The following SMAD2 variants were observed in gnomAD, a reference collection of about 807,000 sequenced individuals.
SMAD2 encodes the protein MAD homolog 2.
Under a neutral mutation model 64.4 loss-of-function variants are expected in SMAD2, and 8 were observed. The observed-to-expected ratio is 0.12, with a 90% CI of 0.07 to 0.22. The LOEUF is 0.22. Among genes scored for constraint, SMAD2 ranks in the 10% least tolerant of loss-of-function variants. The pLI is 1.00. For synonymous variants in SMAD2, 203 were observed against 195.8 expected, an observed-to-expected ratio of 1.04 and a Z score of -0.31; for missense variants, 289 against 561.2, an observed-to-expected ratio of 0.51 and a Z score of 4.90.
At position 47,831,235 on chromosome 18, in the gene SMAD2, A is replaced by G. The variant is rs1912978111; in HGVS notation, c.*10592T>C. 6.6e-6 allele frequency: 1 copy of G among 152,262 alleles called. No individual in the cohort carries two copies. The highest frequency in any genetic ancestry group is 1.5e-5 in the Non-Finnish European group (1 of 68,056). The allele number at this position is 152,262 out of a possible 1,614,324, so 9.4% of individuals were successfully genotyped here. ...ATTTTCTGCTCACCATATAAGCAGTAGCTCAATAACACCGTCCAGTTTTCA... is the reference window on the plus strand; with the variant it reads ...ATTTTCTGCTCACCATATAAGCAGTGGCTCAATAACACCGTCCAGTTTTCA... On this transcript the variant is annotated 3_prime_UTR_variant, in exon 11 of 11. Coordinates refer to ENST00000262160, the MANE Select transcript of SMAD2 (RefSeq NM_005901.6).
chr18:47,900,603 T>C (rs1231526991), intron 1 of SMAD2, among the ~76,000 whole-genome samples: 1 of 152,188 alleles, frequency 6.6e-6, no homozygotes, highest in Non-Finnish European at 1.5e-5. Flanking sequence ...GTAAGATTAC[T>C]TTCTATTCAC....
chr18:47,845,304 CTG>C, intron 10 of SMAD2, 34 bp downstream of exon 10: 1 of 1,586,410 alleles, frequency 6.3e-7, no homozygotes, highest in Non-Finnish European at 8.7e-7. Flanking sequence ...CATAATTACA[CTG>C]TGGAAATTTA....
At position 47,858,343 on chromosome 18, in the gene SMAD2, A is replaced by G. The variant is rs374349045; in HGVS notation, c.730+6716T>C. Among the ~76,000 whole-genome samples the G allele has an allele frequency of 3.4e-4, 52 of 152,326 alleles. No individual in the cohort carries two copies. In the South Asian group the frequency reaches 0.011, roughly 32 times the overall value. On this transcript the variant is annotated intron_variant, in intron 6 of 10. Transcript: ENST00000262160. ...GACTCAAAGTCAGGGTCACATACAT[A>G]TTATCACTTGATTTTCAACAAAGGA...
At chr18:47,911,084 G>A (rs1382098971) in intron 1 of SMAD2, among the ~76,000 whole-genome samples, 1 of 151,928 alleles carries the variant, frequency 6.6e-6, no homozygotes, top group East Asian at 1.9e-4. Flanking sequence ...AGGCGTGGTG[G>A]CTCACGCCTG....
intron 2 of SMAD2, chr18:47,882,294 C>G (rs1263372459): frequency 4.6e-5 from 7 of 152,192 alleles, no homozygotes; most frequent in African/African-American, 7.3e-5. Flanking sequence ...CCCCTGGGCT[C>G]GAGTGATCCT....
intron 1 of SMAD2, among the ~76,000 whole-genome samples, chr18:47,917,199 TGTA>T (rs1285690319): frequency 1.3e-5 from 2 of 152,230 alleles, no homozygotes; most frequent in African/African-American, 4.8e-5. Flanking sequence ...TTCATAACCT[TGTA>T]GTTTTTTAAA....
rs769257130 is a variant in SMAD2 at position 47,848,705 on chromosome 18, A to T, written c.785-18T>A. 6.5e-7 allele frequency: 1 copy of T among 1,548,910 alleles called. No individual in the cohort carries two copies. The highest frequency in any genetic ancestry group is 8.9e-7 in the Non-Finnish European group (1 of 1,128,814). On this transcript the variant is annotated intron_variant, in intron 7 of 10. Transcript: ENST00000262160. ...CTGTAAATCTGAAAAAGAAAAAAAT[A>T]AAAAAATAATAAAAGGAAGAAATGC...
At chr18:47,925,170 G>A (rs1214643633) in intron 1 of SMAD2, among the ~76,000 whole-genome samples, 6 of 152,160 alleles carry the variant, frequency 3.9e-5, no homozygotes, top group Admixed American at 6.5e-5. Context: ...GTCTATCCTC[G>A]CTTTCCACTA....
At chr18:47,868,191 C>T (rs1282585441) in intron 5 of SMAD2, 132 bp downstream of exon 5, 21 of 778,456 alleles carry the variant, frequency 2.7e-5, no homozygotes, top group Non-Finnish European at 3.3e-5. Context: ...AATCACCCAA[C>T]GAATCCAATT....
At chr18:47,860,373 G>A (rs2031080023) in intron 6 of SMAD2, among the ~76,000 whole-genome samples, 1 of 151,958 alleles carries the variant, frequency 6.6e-6, no homozygotes, top group Non-Finnish European at 1.5e-5. Context: ...CTGGGCTCAA[G>A]TGACCCTCCC....
In SMAD2 at chr18:47,838,074, T is replaced by C. The variant is rs1289303719; in HGVS notation, c.*3753A>G. On this transcript the variant is annotated 3_prime_UTR_variant, in exon 11 of 11. Transcript: ENST00000262160. ...GAGGTAGAGAAACCAACTGGGTATATATTTTCTTTTATTTGATTTCAACTA... is the reference window on the plus strand; with the variant it reads ...GAGGTAGAGAAACCAACTGGGTATACATTTTCTTTTATTTGATTTCAACTA... 2 of 233,056 alleles carry C rather than the reference T, an allele frequency of 8.6e-6. No individual in the cohort carries two copies. Among genetic ancestry groups the C allele is most frequent in the African/African-American group, 4.4e-5 (2 of 45,304 alleles). 14.4% of individuals were successfully genotyped at this position (233,056 alleles called of 1,614,324 possible).
chr18:47,898,039 TTAG>T (rs2033517297), intron 1 of SMAD2, among the ~76,000 whole-genome samples: 1 of 152,228 alleles, frequency 6.6e-6, no homozygotes, highest in African/African-American at 2.4e-5. Flanking sequence ...TACATTTTCA[TTAG>T]TTTGTTCCTT....
At position 47,835,046 on chromosome 18, in the gene SMAD2, G is replaced by C; in HGVS notation, c.*6781C>G. ...TTTTTTATTCTGCCTACAATGCTGT[G>C]ATCTAGTTCAACAACTGCAGAACTG... On this transcript the variant is annotated 3_prime_UTR_variant, in exon 11 of 11. Transcript: ENST00000262160. The C allele has an allele frequency of 4.5e-6, 1 of 219,954 alleles. No individual in the cohort carries two copies. Among genetic ancestry groups the C allele is most frequent in the Non-Finnish European group, 9.1e-6 (1 of 109,784 alleles). 13.6% of individuals were successfully genotyped at this position (219,954 alleles called of 1,614,324 possible). A position where few individuals can be genotyped will look rare whatever the true frequency, so the allele number is the denominator to read the frequency against.
At position 47,840,951 on chromosome 18, in the gene SMAD2, A is replaced by C; in HGVS notation, c.*876T>G. ...CAATTATTCCTGTTGAAATTTGGGC[A>C]TAAGACAAAGGGACTTTCTCCATAT... On this transcript the variant is annotated 3_prime_UTR_variant, in exon 11 of 11. Coordinates refer to ENST00000262160, the MANE Select transcript of SMAD2 (RefSeq NM_005901.6). 1 of 232,594 alleles carries C rather than the reference A, an allele frequency of 4.3e-6. No homozygotes were observed. The highest frequency in any genetic ancestry group is 6.1e-5 in the East Asian group (1 of 16,508). The allele number at this position is 232,594 out of a possible 1,614,324, so 14.4% of individuals were successfully genotyped here. A position where few individuals can be genotyped will look rare whatever the true frequency, so the allele number is the denominator to read the frequency against.
chr18:47,925,187 A>G (rs1481795504), intron 1 of SMAD2, among the ~76,000 whole-genome samples: 1 of 152,258 alleles, frequency 6.6e-6, no homozygotes, highest in East Asian at 1.9e-4. Context: ...ACTACTCTAC[A>G]GCCTTGAGGC....
chr18:47,894,119 T>C (rs1280288703), intron 2 of SMAD2, among the ~76,000 whole-genome samples: 1 of 152,228 alleles, frequency 6.6e-6, no homozygotes, highest in Non-Finnish European at 1.5e-5. Flanking sequence ...TGGCCAATTT[T>C]AGTACTGCTG....
intron 6 of SMAD2, among the ~76,000 whole-genome samples, chr18:47,860,684 A>G (rs1039031879): frequency 1.4e-5 from 2 of 142,604 alleles, no homozygotes; most frequent in Non-Finnish European, 1.5e-5. Flanking sequence ...TAAAACTAAT[A>G]AACACATTAC....
At chr18:47,898,344 T>C (rs1224650039) in intron 1 of SMAD2, among the ~76,000 whole-genome samples, 2 of 152,160 alleles carry the variant, frequency 1.3e-5, no homozygotes, top group Non-Finnish European at 2.9e-5. Context: ...GTTGCAGATA[T>C]ACCAATATGC....
chr18:47,904,459 C>T (rs747817524), intron 1 of SMAD2, among the ~76,000 whole-genome samples: 8 of 151,746 alleles, frequency 5.3e-5, no homozygotes, highest in Admixed American at 2.6e-4. Context: ...TCTACTGCCA[C>T]GGGAAGGGAG....
Sources: allele counts gnomAD v4.1 joint callset (sites outside exome capture counted in the v4.1 genomes callset), GRCh38; gene constraint gnomAD v4.1.1; transcripts MANE v1.5; gene names NCBI Gene and HGNC (gene_info 2026-07-23, HGNC 2026-07-21).